SUSD1: variants seen among roughly 807,000 people sequenced by gnomAD.
SUSD1 encodes sushi domain containing 1.
Under a neutral mutation model 86.9 loss-of-function variants are expected in SUSD1, and 65 were observed. That is an observed-to-expected ratio of 0.75 (90% CI 0.61 to 0.92). SUSD1 has a LOEUF of 0.92. Ranked by LOEUF, SUSD1 falls within the 40% of genes least tolerant of loss-of-function variation. SUSD1 has a pLI of 0.00. For missense variants in SUSD1, 850 were observed against 929.7 expected (o/e 0.91, Z 1.11); for synonymous variants, 346 against 350.0 (o/e 0.99, Z 0.13).
intron 1 of SUSD1, among the ~76,000 whole-genome samples, chr9:112,171,353 T>G (rs1368976086): frequency 2.0e-5 from 3 of 152,240 alleles, no homozygotes; most frequent in Non-Finnish European, 4.4e-5. Context: ...CACAGCAAGT[T>G]CTGAATAAAT....
At chr9:112,112,421 G>A (rs532552489) in intron 7 of SUSD1, among the ~76,000 whole-genome samples, 183 of 152,096 alleles carry the variant, frequency 1.2e-3, no homozygotes, top group Non-Finnish European at 1.4e-3. Flanking sequence ...GATTATCTGA[G>A]GTCAGAAGTT....
chr9:112,132,185 G>A (rs1425206894), intron 5 of SUSD1, among the ~76,000 whole-genome samples: 1 of 152,162 alleles, frequency 6.6e-6, no homozygotes, highest in Non-Finnish European at 1.5e-5. Context: ...AACATAGATT[G>A]ATGACAGAAA....
At chr9:112,076,823 GA>G (rs1342153756) in intron 12 of SUSD1, among the ~76,000 whole-genome samples, 1 of 152,216 alleles carries the variant, frequency 6.6e-6, no homozygotes, top group African/African-American at 2.4e-5. Flanking sequence ...AACTAAGGGA[GA>G]GGGGGTTTCA....
intron 6 of SUSD1, among the ~76,000 whole-genome samples, chr9:112,115,813 A>AAAG (rs1554766253): frequency 3.1e-4 from 5 of 15,930 alleles, no homozygotes; most frequent in African/African-American, 5.7e-4. Context: ...CATTGCAAAA[A>AAAG]AAAAAAAAAA....
chr9:112,070,599 C>A (rs1383254392), intron 12 of SUSD1, among the ~76,000 whole-genome samples: 1 of 152,176 alleles, frequency 6.6e-6, no homozygotes, highest in Non-Finnish European at 1.5e-5. Context: ...GGAACCAGAA[C>A]AGAGACCTTC....
At chr9:112,154,529 A>T (rs761742858) in intron 2 of SUSD1, among the ~76,000 whole-genome samples, 24 of 151,916 alleles carry the variant, frequency 1.6e-4, no homozygotes, top group Admixed American at 2.6e-4. Flanking sequence ...AATCAAACAA[A>T]CAAAAAAAAC....
chr9:112,164,119 G>A (rs1281172061), intron 1 of SUSD1, among the ~76,000 whole-genome samples: 1 of 151,924 alleles, frequency 6.6e-6, no homozygotes, highest in African/African-American at 2.4e-5. Flanking sequence ...AAAAGAGGTG[G>A]GACTCACTCA....
At chr9:112,163,763 C>T (rs1833665668) in intron 1 of SUSD1, among the ~76,000 whole-genome samples, 2 of 152,150 alleles carry the variant, frequency 1.3e-5, no homozygotes, top group South Asian at 4.1e-4. Flanking sequence ...CTTTGGGAGG[C>T]CAAGCAGGGC....
chr9:112,050,923 G>A (rs1322564454), intron 15 of SUSD1, among the ~76,000 whole-genome samples: 2 of 152,202 alleles, frequency 1.3e-5, no homozygotes, highest in Non-Finnish European at 2.9e-5. Context: ...AAGCTATACA[G>A]CGCTCAGCAG....
At chr9:112,073,020 T>C (rs1246545821) in intron 12 of SUSD1, among the ~76,000 whole-genome samples, 1 of 152,184 alleles carries the variant, frequency 6.6e-6, no homozygotes, top group East Asian at 1.9e-4. Flanking sequence ...TAACCAACCA[T>C]GAAAGAGAAG....
chr9:112,088,670 T>C (rs1004895405), intron 10 of SUSD1, among the ~76,000 whole-genome samples: 8 of 152,202 alleles, frequency 5.3e-5, no homozygotes, highest in Non-Finnish European at 1.2e-4. Context: ...ATGGTGGTTG[T>C]AGCCCCAGCT....
chr9:112,069,062 T>C (rs2131523981), intron 12 of SUSD1, among the ~76,000 whole-genome samples: 1 of 151,642 alleles, frequency 6.6e-6, no homozygotes, highest in South Asian at 2.1e-4. Flanking sequence ...AACCCCATGG[T>C]GGAGATACAG....
chr9:112,143,439 T>C, intron 4 of SUSD1, 32 bp downstream of exon 4: 1 of 1,607,882 alleles, frequency 6.2e-7, no homozygotes, highest in Non-Finnish European at 8.5e-7. Context: ...GAATTTCACG[T>C]TGAGATGCCG....
chr9:112,168,807 A>G (rs1178374922), intron 1 of SUSD1, among the ~76,000 whole-genome samples: 2 of 152,204 alleles, frequency 1.3e-5, no homozygotes, highest in African/African-American at 4.8e-5. Flanking sequence ...AACAGCAACA[A>G]TAACAAAAAA....
intron 5 of SUSD1, among the ~76,000 whole-genome samples, chr9:112,130,654 T>C (rs1831991503): frequency 6.6e-6 from 1 of 151,262 alleles, no homozygotes; most frequent in African/African-American, 2.4e-5. Context: ...AGAGAGAGAA[T>C]ATAGCATTCA....
intron 13 of SUSD1, among the ~76,000 whole-genome samples, chr9:112,060,057 C>A (rs1828646411): frequency 6.6e-6 from 1 of 151,322 alleles, no homozygotes; most frequent in South Asian, 2.1e-4. Flanking sequence ...TTCCAAAACT[C>A]ATTAGGCCAT....
At position 112,055,225 on chromosome 9, in the gene SUSD1, A is replaced by T. The variant is rs201884306; in HGVS notation, c.2110-2787T>A. Among the ~76,000 whole-genome samples the T allele has an allele frequency of 1.4e-4, 21 of 152,202 alleles. No homozygotes were observed. In the East Asian group the frequency reaches 3.5e-3, roughly 25 times the overall value. On this transcript the variant is annotated intron_variant, in intron 14 of 16. Coordinates refer to ENST00000374270, the MANE Select transcript of SUSD1 (RefSeq NM_022486.5). Reference sequence around the variant, plus strand: ...TGGATCGCTTGAGCCCAAGAGTTCAAGACCATCCTGGGAAACATGGCAAAA... The same window carrying T: ...TGGATCGCTTGAGCCCAAGAGTTCATGACCATCCTGGGAAACATGGCAAAA...
chr9:112,141,211 A>G (rs1168457889), intron 5 of SUSD1, among the ~76,000 whole-genome samples: 1 of 152,248 alleles, frequency 6.6e-6, no homozygotes, highest in Non-Finnish European at 1.5e-5. Context: ...TGCCACAAAC[A>G]CGTGAGTGTG....
chr9:112,081,135 G>T (rs2782942), intron 10 of SUSD1, among the ~76,000 whole-genome samples: 95,384 of 152,058 alleles, frequency 0.63, 30,834 homozygotes, highest in East Asian at 0.79. Flanking sequence ...CCTTCAATAA[G>T]GATCTCTGTC....
Sources: allele counts gnomAD v4.1 joint callset (sites outside exome capture counted in the v4.1 genomes callset), GRCh38; gene constraint gnomAD v4.1.1; transcripts MANE v1.5; gene names NCBI Gene and HGNC (gene_info 2026-07-23, HGNC 2026-07-21).